ADGRB1: variants seen among roughly 807,000 people sequenced by gnomAD.
ADGRB1 encodes the protein adhesion G protein-coupled receptor B1.
In ADGRB1, 36 loss-of-function variants were observed where a neutral mutation model predicts 175.7. The observed-to-expected ratio is 0.20, with a 90% CI of 0.16 to 0.27. The LOEUF is 0.27. Among genes scored for constraint, ADGRB1 ranks in the 10% least tolerant of loss-of-function variants. The pLI, the probability that ADGRB1 is intolerant of heterozygous loss-of-function variation, is 1.00. For missense variants in ADGRB1, 1,731 were observed against 2,255.3 expected (o/e 0.77, Z 4.71); for synonymous variants, 1,054 against 979.4 (o/e 1.08, Z -1.42).
At chr8:142,536,278 A>G (rs1844919320) in intron 25 of ADGRB1, among the ~76,000 whole-genome samples, 1 of 152,082 alleles carries the variant, frequency 6.6e-6, no homozygotes, top group African/African-American at 2.4e-5. Flanking sequence ...TGCCCAGAGC[A>G]GCCCACAGGA....
In ADGRB1 at chr8:142,478,317, C is replaced by A; in HGVS notation, c.1518C>A (p.Gly506=). ...GPSYGGAECQ[G]HWVETRDCFL... is the part of the protein sequence containing the mutation. ...CCTACGGGGGTGCGGAGTGCCAGGG[C>A]CACTGGGTGGAGACCCGAGACTGCT... is the stretch of plus-strand genomic sequence containing the variant. Residue 506 remains glycine (G), a synonymous_variant, in exon 7 of 31, where the codon GGC becomes GGA. Transcript: ENST00000517894. 1.2e-6 allele frequency: 2 copies of A among 1,610,176 alleles called. No individual in the cohort carries two copies. The highest frequency in any genetic ancestry group is 1.7e-6 in the Non-Finnish European group (2 of 1,178,830).
intron 24 of ADGRB1, among the ~76,000 whole-genome samples, chr8:142,531,873 T>C (rs1163643490): frequency 6.6e-6 from 1 of 152,148 alleles, no homozygotes; most frequent in Non-Finnish European, 1.5e-5. Context: ...TGAGAGGTCC[T>C]GAGAGATGAC....
chr8:142,470,442 A>C (rs2131733190), intron 2 of ADGRB1, among the ~76,000 whole-genome samples: 1 of 151,234 alleles, frequency 6.6e-6, no homozygotes, highest in African/African-American at 2.4e-5. Context: ...GTGTGGAGCC[A>C]TTTTTTGCAC....
In ADGRB1 at chr8:142,453,477, C is replaced by G. The variant is rs891640053; in HGVS notation, c.-220+3373C>G. Among the ~76,000 whole-genome samples the G allele has an allele frequency of 5.2e-4, 79 of 152,328 alleles. 2 individuals carry two copies. Among genetic ancestry groups the G allele is most frequent in the African/African-American group, 1.8e-3 (73 of 41,580 alleles). On this transcript the variant is annotated intron_variant, in intron 1 of 30. Coordinates refer to ENST00000517894, the MANE Select transcript of ADGRB1 (RefSeq NM_001702.3). ...GTTAACCCCTCCGGGCCCGCGAGCC[C>G]ACGCCCTCCCTTTGTCCTCTGGAAG...
In ADGRB1 at chr8:142,475,606, G is replaced by T; in HGVS notation, c.917G>T (p.Gly306Val). Residue 306 changes from glycine (G) to valine (V), a missense_variant, in exon 3 of 31, where the codon GGT becomes GTT. Around this residue, in one of 8 missense-constraint regions of ADGRB1, gnomAD observed 178 missense variants for 227.8 expected, o/e 0.78. Coordinates refer to ENST00000517894, the MANE Select transcript of ADGRB1 (RefSeq NM_001702.3). Reference sequence around the variant, plus strand: ...GGCTGCGAGGGGGTGCTGGAGGAGGGTCGCCAGTGCAACCGCGAGGCCTGC... The same window carrying T: ...GGCTGCGAGGGGGTGCTGGAGGAGGTTCGCCAGTGCAACCGCGAGGCCTGC... ...GGGCEGVLEE[G>V]RQCNREACGP... The T allele has an allele frequency of 1.6e-6, 2 of 1,238,048 alleles. No homozygotes were observed. Among genetic ancestry groups the T allele is most frequent in the Non-Finnish European group, 2.0e-6 (2 of 990,984 alleles). The allele number at this position is 1,238,048 out of a possible 1,614,324, so 76.7% of individuals were successfully genotyped here.
intron 18 of ADGRB1, among the ~76,000 whole-genome samples, chr8:142,513,480 A>C (rs1213085410): frequency 1.3e-5 from 2 of 151,836 alleles, no homozygotes; most frequent in African/African-American, 4.8e-5. Flanking sequence ...AGAGGCCAAG[A>C]GTGAAAGGGA....
intron 19 of ADGRB1, among the ~76,000 whole-genome samples, chr8:142,520,450 T>C (rs1256879806): frequency 1.9e-5 from 2 of 103,764 alleles, no homozygotes; most frequent in Non-Finnish European, 4.2e-5. Flanking sequence ...GTGGTGATGG[T>C]GATGGTGGTG....
intron 19 of ADGRB1, 137 bp from the exon 20 acceptor site, chr8:142,520,686 G>T: frequency 1.4e-6 from 1 of 711,758 alleles, no homozygotes; most frequent in South Asian, 1.5e-5. Context: ...GGTGATGATG[G>T]TCATGGTGGT....
At chr8:142,535,349 C>T (rs1453900185) in intron 25 of ADGRB1, among the ~76,000 whole-genome samples, 3 of 152,102 alleles carry the variant, frequency 2.0e-5, no homozygotes, top group Admixed American at 6.5e-5. Flanking sequence ...GGAGGGGACC[C>T]AGCATGCTCC....
In ADGRB1 at chr8:142,515,235, G is replaced by A. The variant is rs370162100; in HGVS notation, c.2818-2903G>A. ...CCTGGCATGTGCAAGGGCCTGGGCC[G>A]CGCTGTGCCTGGCTTGAGCCAGTCT... is the stretch of plus-strand genomic sequence containing the variant. On this transcript the variant is annotated intron_variant, in intron 18 of 30. Transcript: ENST00000517894. Among the ~76,000 whole-genome samples, 124 of 152,260 alleles carry A rather than the reference G, an allele frequency of 8.1e-4. 2 individuals carry two copies. Among genetic ancestry groups the A allele is most frequent in the African/African-American group, 1.9e-3 (78 of 41,536 alleles).
In ADGRB1 at chr8:142,481,520, C is replaced by A. The variant is rs775137279; in HGVS notation, c.1939C>A (p.Arg647=). 1 of 1,577,694 alleles carries A rather than the reference C, an allele frequency of 6.3e-7. No homozygotes were observed. The highest frequency in any genetic ancestry group is 1.3e-5 in the African/African-American group (1 of 74,208). ...CCGCCCTCTCTGTCTTCCGCAGACCCGGGAGCACCTGGCCAAGGCTCAGCG... is the reference window on the plus strand; with the variant it reads ...CCGCCCTCTCTGTCTTCCGCAGACCAGGGAGCACCTGGCCAAGGCTCAGCG... ...IDYRNIQMMT[R]EHLAKAQRGL... Residue 647 remains arginine (R), a synonymous_variant, in exon 11 of 31, where the codon CGG becomes AGG. Coordinates refer to ENST00000517894, the MANE Select transcript of ADGRB1 (RefSeq NM_001702.3).
At chr8:142,520,161 G>T (rs948637649) in intron 19 of ADGRB1, among the ~76,000 whole-genome samples, 2 of 134,324 alleles carry the variant, frequency 1.5e-5, no homozygotes, top group Non-Finnish European at 1.6e-5. Flanking sequence ...GATGGTGGTG[G>T]TAGTGGTAGT....
intron 11 of ADGRB1, among the ~76,000 whole-genome samples, chr8:142,482,988 T>A (rs1017510274): frequency 6.7e-6 from 1 of 148,660 alleles, no homozygotes; most frequent in Non-Finnish European, 1.5e-5. Context: ...CAGATCCTGG[T>A]CACACACTGA....
At chr8:142,473,430 G>A (rs1364402607) in intron 2 of ADGRB1, among the ~76,000 whole-genome samples, 6 of 152,224 alleles carry the variant, frequency 3.9e-5, no homozygotes, top group African/African-American at 1.4e-4. Flanking sequence ...TAGTCTGGGG[G>A]ATGGGGGCGT....
At chr8:142,529,810 C>T (rs1253965567) in intron 24 of ADGRB1, among the ~76,000 whole-genome samples, 5 of 144,554 alleles carry the variant, frequency 3.5e-5, no homozygotes, top group African/African-American at 1.3e-4. Context: ...GAGTGTGCAT[C>T]TGTGTGAGTG....
At chr8:142,479,186 C>A in intron 7 of ADGRB1, 137 bp from the exon 8 acceptor site, 1 of 974,880 alleles carries the variant, frequency 1.0e-6, no homozygotes, top group African/African-American at 1.7e-5. Context: ...TGACCTCCTG[C>A]CCCACATTCC....
intron 11 of ADGRB1, among the ~76,000 whole-genome samples, chr8:142,483,128 G>A (rs561917719): frequency 1.6e-4 from 24 of 146,182 alleles, no homozygotes; most frequent in African/African-American, 5.6e-4. Flanking sequence ...CCCTGACCTT[G>A]GTCACATGCT....
chr8:142,485,202 T>A (rs1447306937), intron 13 of ADGRB1, among the ~76,000 whole-genome samples: 2 of 152,298 alleles, frequency 1.3e-5, no homozygotes, highest in East Asian at 3.9e-4. Context: ...ATTTCTAAAA[T>A]GAGATGATAA....
intron 17 of ADGRB1, 83 bp downstream of exon 17, chr8:142,490,898 T>A: frequency 2.0e-6 from 3 of 1,500,626 alleles, no homozygotes; most frequent in Non-Finnish European, 2.7e-6. Flanking sequence ...GGGTGCAGGT[T>A]TCAGGTCTTG....
Sources: gnomAD v4.1 joint callset for allele counts (sites outside exome capture counted in the v4.1 genomes callset) on GRCh38, gnomAD v4.1.1 for gene constraint, gnomAD v4.1.1 regional missense constraint, MANE v1.5 for transcripts, NCBI Gene and HGNC (gene_info 2026-07-23, HGNC 2026-07-21) for gene names.